The following TNKS variants were observed in gnomAD, a reference collection of about 807,000 sequenced individuals.
TNKS encodes the protein tankyrase.
In TNKS, 72 loss-of-function variants were observed where a neutral mutation model predicts 135.8. That is an observed-to-expected ratio of 0.53 (90% CI 0.44 to 0.64). TNKS has a LOEUF of 0.64. Among genes scored for constraint, TNKS ranks in the 30% least tolerant of loss-of-function variants. TNKS has a pLI of 0.00. For missense variants in TNKS, 1,769 were observed against 1,674.0 expected, an observed-to-expected ratio of 1.06 and a Z score of -0.99; for synonymous variants, 849 against 649.3, an observed-to-expected ratio of 1.31 and a Z score of -4.68.
intron 3 of TNKS, among the ~76,000 whole-genome samples, chr8:9,634,731 C>G (rs2128773335): frequency 6.6e-6 from 1 of 152,146 alleles, no homozygotes; most frequent in South Asian, 2.1e-4. Context: ...CAGTGAGACC[C>G]CAATAGCAGT....
intron 16 of TNKS, 41 bp from the exon 17 acceptor site, chr8:9,735,336 T>G (rs371385501): frequency 6.3e-7 from 1 of 1,577,028 alleles, no homozygotes. Flanking sequence ...TTTTTTTCCT[T>G]TAAGCTGACA....
At chr8:9,749,247 T>A (rs1806392396) in intron 18 of TNKS, among the ~76,000 whole-genome samples, 1 of 152,138 alleles carries the variant, frequency 6.6e-6, no homozygotes, top group African/African-American at 2.4e-5. Context: ...ACAAATTAAA[T>A]CTATTTTTCC....
chr8:9,560,909 CTCTT>C (rs886459308), intron 1 of TNKS, among the ~76,000 whole-genome samples: 18 of 152,032 alleles, frequency 1.2e-4, no homozygotes, highest in South Asian at 6.2e-4. Context: ...TGCAAAGTGT[CTCTT>C]TCTTTTACCT....
intron 8 of TNKS, among the ~76,000 whole-genome samples, chr8:9,708,035 A>G (rs1453546937): frequency 6.6e-6 from 1 of 152,206 alleles, no homozygotes; most frequent in African/African-American, 2.4e-5. Context: ...TAAGAGCTAG[A>G]AAGTGTTACA....
intron 14 of TNKS, among the ~76,000 whole-genome samples, chr8:9,732,672 A>G (rs1805503419): frequency 6.6e-6 from 1 of 151,828 alleles, no homozygotes; most frequent in Non-Finnish European, 1.5e-5. Context: ...TTGTGGGAGC[A>G]TCTTTTTGTC....
intron 2 of TNKS, among the ~76,000 whole-genome samples, chr8:9,603,259 A>G (rs894276131): frequency 7.9e-5 from 12 of 152,166 alleles, no homozygotes; most frequent in South Asian, 4.2e-4. Context: ...CACCATGTTG[A>G]CCAGGCTGGG....
At chr8:9,766,483 C>CTTT (rs61212620) in intron 25 of TNKS, 58 bp downstream of exon 25, 2,009 of 888,456 alleles carry the variant, frequency 2.3e-3, no homozygotes, top group Non-Finnish European at 2.5e-3. Context: ...ACCAAATTGT[C>CTTT]TTTTTTTTTT....
In TNKS at chr8:9,748,217, GT is replaced by G; in HGVS notation, c.2832+6del. 6.6e-7 allele frequency: 1 copy of G among 1,525,020 alleles called. No homozygotes were observed. Among genetic ancestry groups the G allele is most frequent in the Non-Finnish European group, 8.8e-7 (1 of 1,133,304 alleles). The allele number at this position is 1,525,020 out of a possible 1,614,324, so 94.5% of individuals were successfully genotyped here. On this transcript the variant is annotated splice_donor_region_variant and intron_variant, in intron 18 of 26. Coordinates refer to ENST00000310430, the MANE Select transcript of TNKS (RefSeq NM_003747.3). ...ACGCCTCTGGATCTGGCAACAGTAA[GT>G]CCTCATTTCAGATACTGATTATTGT...
chr8:9,677,285 A>G (rs541714664), intron 3 of TNKS, among the ~76,000 whole-genome samples: 1 of 152,334 alleles, frequency 6.6e-6, no homozygotes, highest in South Asian at 2.1e-4. Context: ...TGCACTTAAT[A>G]TATTTCCTTT....
chr8:9,632,459 C>T (rs140467276), intron 3 of TNKS, among the ~76,000 whole-genome samples: 3 of 152,208 alleles, frequency 2.0e-5, no homozygotes, highest in Non-Finnish European at 4.4e-5. Context: ...AGCATTAATA[C>T]AATACTACTA....
At chr8:9,603,160 C>G (rs1208971048) in intron 2 of TNKS, among the ~76,000 whole-genome samples, 1 of 152,084 alleles carries the variant, frequency 6.6e-6, no homozygotes, top group Non-Finnish European at 1.5e-5. Context: ...TCAGGCCATT[C>G]TCCTGCCTCA....
intron 2 of TNKS, among the ~76,000 whole-genome samples, chr8:9,612,598 A>T (rs1331515081): frequency 6.6e-5 from 10 of 152,152 alleles, no homozygotes; most frequent in Non-Finnish European, 1.5e-4. Flanking sequence ...TATAAATTTT[A>T]TAAAATTTAA....
intron 24 of TNKS, 112 bp downstream of exon 24, chr8:9,765,909 T>C: frequency 2.4e-6 from 2 of 819,772 alleles, no homozygotes; most frequent in Non-Finnish European, 3.8e-6. Context: ...AAACGGCTTG[T>C]TTTGATTATT....
chr8:9,698,788 C>G (rs967165309), intron 5 of TNKS, among the ~76,000 whole-genome samples: 3 of 152,202 alleles, frequency 2.0e-5, no homozygotes, highest in Admixed American at 6.5e-5. Context: ...ATGCTTTATA[C>G]TGCACCGCAA....
At chr8:9,699,373 T>C (rs2128805197) in intron 5 of TNKS, among the ~76,000 whole-genome samples, 1 of 152,344 alleles carries the variant, frequency 6.6e-6, no homozygotes. Context: ...AGACAGCATT[T>C]GGTAAATAGC....
chr8:9,585,499 C>G (rs1479454289), intron 2 of TNKS, among the ~76,000 whole-genome samples: 1 of 152,076 alleles, frequency 6.6e-6, no homozygotes, highest in Non-Finnish European at 1.5e-5. Flanking sequence ...GTATATTGCA[C>G]TTTTCCAGAA....
At chr8:9,764,921 C>G (rs1807343623) in intron 23 of TNKS, 131 bp downstream of exon 23, 2 of 586,258 alleles carry the variant, frequency 3.4e-6, no homozygotes, top group Non-Finnish European at 5.7e-6. Context: ...TGTCTGAAGT[C>G]AGATAGCACT....
intron 1 of TNKS, among the ~76,000 whole-genome samples, chr8:9,566,015 T>C (rs748254273): frequency 1.3e-5 from 2 of 152,158 alleles, no homozygotes; most frequent in African/African-American, 4.8e-5. Context: ...TAAGTAGACA[T>C]TGAAAAGTTC....
At chr8:9,568,036 A>G (rs550033293) in intron 1 of TNKS, among the ~76,000 whole-genome samples, 9 of 152,230 alleles carry the variant, frequency 5.9e-5, no homozygotes, top group African/African-American at 1.7e-4. Context: ...GGAAAATAGT[A>G]TATTTAATAG....
Sources: gnomAD v4.1 joint callset for allele counts (sites outside exome capture counted in the v4.1 genomes callset) on GRCh38, gnomAD v4.1.1 for gene constraint, MANE v1.5 for transcripts, NCBI Gene and HGNC (gene_info 2026-07-23, HGNC 2026-07-21) for gene names.